MACROD1: variants seen among roughly 807,000 people sequenced by gnomAD.
The protein encoded by MACROD1 is ADP-ribose glycohydrolase MACROD1.
MACROD1 carries 31 observed loss-of-function variants against 41.4 expected under a neutral mutation model. That is an observed-to-expected ratio of 0.75 (90% confidence interval 0.56 to 1.01). MACROD1 has a LOEUF of 1.01. MACROD1 is among the 50% of genes least tolerant of loss of function. The pLI is 0.00. For missense variants in MACROD1, 473 were observed against 460.0 expected (o/e 1.03, Z -0.26); for synonymous variants, 252 against 203.4 (o/e 1.24, Z -2.03).
intron 3 of MACROD1, among the ~76,000 whole-genome samples, chr11:64,093,178 C>A (rs1322068344): frequency 6.6e-6 from 1 of 152,174 alleles, no homozygotes; most frequent in East Asian, 1.9e-4. Context: ...AGTGAGGCGA[C>A]GTGTGAATAG....
At chr11:64,021,583 C>G (rs1943153049) in intron 3 of MACROD1, among the ~76,000 whole-genome samples, 1 of 152,140 alleles carries the variant, frequency 6.6e-6, no homozygotes, top group African/African-American at 2.4e-5. Flanking sequence ...GAGGCCGCCT[C>G]CACTCCCCCT....
intron 3 of MACROD1, among the ~76,000 whole-genome samples, chr11:64,130,355 AC>A (rs1350403935): frequency 6.6e-6 from 1 of 151,798 alleles, no homozygotes; most frequent in Non-Finnish European, 1.5e-5. Context: ...GGTGATACCT[AC>A]CCCTCCATGG....
At chr11:64,113,854 G>C (rs1944910510) in intron 3 of MACROD1, among the ~76,000 whole-genome samples, 1 of 146,824 alleles carries the variant, frequency 6.8e-6, no homozygotes, top group African/African-American at 2.5e-5. Flanking sequence ...ATGGACAGCT[G>C]GATGTATGGA....
chr11:64,109,551 T>G (rs900042974), intron 3 of MACROD1, among the ~76,000 whole-genome samples: 1 of 151,334 alleles, frequency 6.6e-6, no homozygotes, highest in Admixed American at 6.6e-5. Context: ...GGGGTGGGAG[T>G]GAGTGTGGCG....
chr11:64,130,118 G>A (rs1015417411), intron 3 of MACROD1, among the ~76,000 whole-genome samples: 18 of 151,732 alleles, frequency 1.2e-4, no homozygotes, highest in Non-Finnish European at 2.4e-4. Flanking sequence ...GCCCCCCACC[G>A]TGCCACCCTC....
intron 3 of MACROD1, among the ~76,000 whole-genome samples, chr11:64,061,250 G>A (rs1943897619): frequency 6.6e-6 from 1 of 152,216 alleles, no homozygotes; most frequent in Admixed American, 6.5e-5. Flanking sequence ...GCGATCACGC[G>A]GTGTAATTGC....
At chr11:64,097,940 G>A (rs1944606715) in intron 3 of MACROD1, among the ~76,000 whole-genome samples, 1 of 152,166 alleles carries the variant, frequency 6.6e-6, no homozygotes, top group Non-Finnish European at 1.5e-5. Context: ...AGGAGAAGGA[G>A]GCGGGAACCC....
intron 1 of MACROD1, among the ~76,000 whole-genome samples, chr11:64,162,913 G>C (rs1005373686): frequency 2.0e-5 from 3 of 152,132 alleles, no homozygotes. Flanking sequence ...GAGGTCCGGA[G>C]ATCAAGACCA....
intron 3 of MACROD1, among the ~76,000 whole-genome samples, chr11:64,046,937 A>G (rs1943595354): frequency 6.6e-6 from 1 of 152,200 alleles, no homozygotes; most frequent in Non-Finnish European, 1.5e-5. Flanking sequence ...ACTAGCTCTG[A>G]GACCATCAGT....
intron 4 of MACROD1, among the ~76,000 whole-genome samples, chr11:64,014,316 G>A (rs1943052260): frequency 6.6e-6 from 1 of 152,208 alleles, no homozygotes; most frequent in Admixed American, 6.5e-5. Flanking sequence ...GGGACAGCTA[G>A]AGGAGAATGG....
chr11:64,138,385 C>G (rs1945360817), intron 3 of MACROD1: 2 of 499,436 alleles, frequency 4.0e-6, no homozygotes, highest in South Asian at 8.6e-5. Flanking sequence ...GGGGATTTAG[C>G]TCCTTTGACA....
intron 3 of MACROD1, among the ~76,000 whole-genome samples, chr11:64,055,697 A>G (rs1385151503): frequency 2.0e-5 from 3 of 152,158 alleles, no homozygotes; most frequent in South Asian, 2.1e-4. Context: ...ATGGGTGGAC[A>G]GATGGATGGA....
At chr11:64,116,211 C>A in intron 3 of MACROD1, 1 of 1,554,154 alleles carries the variant, frequency 6.4e-7, no homozygotes, top group South Asian at 1.2e-5. Context: ...GTCCTGTGCT[C>A]CTTGCAGGTA....
At chr11:64,104,587 T>C (rs538662618) in intron 3 of MACROD1, among the ~76,000 whole-genome samples, 1 of 152,178 alleles carries the variant, frequency 6.6e-6, no homozygotes, top group Admixed American at 6.5e-5. Flanking sequence ...TAACCTAGGC[T>C]ACTTGCCCTG....
At chr11:64,008,744 G>A (rs1942955431) in intron 4 of MACROD1, among the ~76,000 whole-genome samples, 1 of 152,194 alleles carries the variant, frequency 6.6e-6, no homozygotes, top group African/African-American at 2.4e-5. Flanking sequence ...CACACAGGCA[G>A]GCTCGGCTCC....
chr11:64,074,661 G>A (rs1310427643), intron 3 of MACROD1, among the ~76,000 whole-genome samples: 2 of 152,228 alleles, frequency 1.3e-5, no homozygotes, highest in African/African-American at 2.4e-5. Context: ...GCATGTCCAA[G>A]TAGTGGGACC....
At chr11:64,165,607 A>C in intron 1 of MACROD1, 90 bp downstream of exon 1, 10 of 1,185,378 alleles carry the variant, frequency 8.4e-6, no homozygotes, top group Non-Finnish European at 1.1e-5. Flanking sequence ...TCTCGGGTGG[A>C]AGGGGCTGCT....
intron 1 of MACROD1, among the ~76,000 whole-genome samples, chr11:64,156,916 G>A (rs1409119268): frequency 6.6e-6 from 1 of 152,228 alleles, no homozygotes; most frequent in East Asian, 1.9e-4. Context: ...GATCCCCAAA[G>A]AGCTACACAC....
chr11:64,130,514 A>G (rs988197103), intron 3 of MACROD1, among the ~76,000 whole-genome samples: 1 of 151,048 alleles, frequency 6.6e-6, no homozygotes, highest in Non-Finnish European at 1.5e-5. Context: ...GGGGTCTAAC[A>G]CCCCAGGCCA....
Sources: allele counts gnomAD v4.1 joint callset (sites outside exome capture counted in the v4.1 genomes callset), GRCh38; gene constraint gnomAD v4.1.1; transcripts MANE v1.5; gene names NCBI Gene and HGNC (gene_info 2026-07-23, HGNC 2026-07-21).